The following UTRN variants were observed in gnomAD, a reference collection of about 807,000 sequenced individuals.
The protein encoded by UTRN is dystrophin-related protein 1.
Under a neutral mutation model 463.9 loss-of-function variants are expected in UTRN, and 283 were observed. That is an observed-to-expected ratio of 0.61 (90% CI 0.55 to 0.67). The LOEUF is 0.67. UTRN is among the 30% of genes least tolerant of loss of function. The pLI is 0.00. For synonymous variants in UTRN, 1,442 were observed against 1,431.5 expected (o/e 1.01, Z -0.17); for missense variants, 3,922 against 4,084.3 (o/e 0.96, Z 1.08).
intron 24 of UTRN, among the ~76,000 whole-genome samples, chr6:144,474,120 G>T (rs1364386473): frequency 6.7e-6 from 1 of 150,348 alleles, no homozygotes; most frequent in Non-Finnish European, 1.5e-5. Context: ...TGTGCCACAT[G>T]GTGAGGATTT....
chr6:144,598,357 T>TAA (rs935771126), intron 51 of UTRN, among the ~76,000 whole-genome samples: 73 of 152,350 alleles, frequency 4.8e-4, no homozygotes, highest in African/African-American at 1.8e-3. Flanking sequence ...AGAGTTCATC[T>TAA]AAAGACCTGG....
chr6:144,807,348 A>G (rs900037466), intron 65 of UTRN, among the ~76,000 whole-genome samples: 1 of 152,162 alleles, frequency 6.6e-6, no homozygotes, highest in Non-Finnish European at 1.5e-5. Flanking sequence ...ATGGTATATG[A>G]ATGAACTATC....
chr6:144,320,487 A>G (rs1051173668), intron 2 of UTRN, among the ~76,000 whole-genome samples: 1 of 152,194 alleles, frequency 6.6e-6, no homozygotes, highest in Admixed American at 6.5e-5. Flanking sequence ...TGTGAATATT[A>G]TAAATAGTAA....
intron 14 of UTRN, 65 bp downstream of exon 14, chr6:144,444,447 CTTTAG>C: frequency 1.6e-6 from 2 of 1,264,768 alleles, no homozygotes; most frequent in Non-Finnish European, 2.2e-6. Context: ...TTTATTGTGA[CTTTAG>C]AATAAAGTTG....
chr6:144,635,514 C>CTTTTTTTTTTTTTTTTTTTT (rs1402815648), intron 51 of UTRN, among the ~76,000 whole-genome samples: 6 of 80,010 alleles, frequency 7.5e-5, no homozygotes, highest in Admixed American at 1.9e-4. Context: ...CTTTTTTTTT[C>CTTTTTTTTTTTTTTTTTTTT]TTTTTTTTTT....
chr6:144,566,673 C>T (rs1416617436), intron 50 of UTRN, among the ~76,000 whole-genome samples: 1 of 152,058 alleles, frequency 6.6e-6, no homozygotes, highest in Non-Finnish European at 1.5e-5. Context: ...TGCCCCTGAA[C>T]CTGAAGCTCA....
chr6:144,325,979 A>G (rs894638620), intron 2 of UTRN, among the ~76,000 whole-genome samples: 2 of 152,206 alleles, frequency 1.3e-5, no homozygotes, highest in Non-Finnish European at 2.9e-5. Flanking sequence ...TATAAAAGTG[A>G]TAAGTAAAAA....
chr6:144,328,085 C>T (rs1483636518), intron 2 of UTRN, among the ~76,000 whole-genome samples: 1 of 152,086 alleles, frequency 6.6e-6, no homozygotes, highest in Non-Finnish European at 1.5e-5. Context: ...GCAACCCCAC[C>T]TGTCTACTAT....
intron 21 of UTRN, 104 bp from the exon 22 acceptor site, chr6:144,461,093 G>T (rs866243119): frequency 7.7e-6 from 7 of 906,920 alleles, no homozygotes; most frequent in Middle Eastern, 3.5e-4. Context: ...TTTAATCATG[G>T]GGTCTCCTTT....
chr6:144,568,536 A>C (rs940967050), intron 50 of UTRN, among the ~76,000 whole-genome samples: 1 of 152,162 alleles, frequency 6.6e-6, no homozygotes, highest in Non-Finnish European at 1.5e-5. Context: ...CTACATTGAG[A>C]ATCATAGACG....
chr6:144,490,817 A>AT, intron 31 of UTRN, 112 bp from the exon 32 acceptor site: 2 of 1,246,478 alleles, frequency 1.6e-6, no homozygotes, highest in South Asian at 1.8e-5. Context: ...ATATTTCTGA[A>AT]TTTTTTTCTT....
chr6:144,470,854 G>A (rs958895983), intron 23 of UTRN, among the ~76,000 whole-genome samples: 13 of 151,780 alleles, frequency 8.6e-5, no homozygotes, highest in South Asian at 2.1e-4. Flanking sequence ...GCGAAACCCC[G>A]TCTCCACCAA....
intron 7 of UTRN, 60 bp downstream of exon 7, chr6:144,426,519 T>C: frequency 1.5e-5 from 22 of 1,505,818 alleles, no homozygotes; most frequent in Non-Finnish European, 2.0e-5. Flanking sequence ...CTCTGTCCCT[T>C]TGCTGCCACC....
chr6:144,383,327 T>C (rs1214577393), intron 2 of UTRN, among the ~76,000 whole-genome samples: 1 of 152,202 alleles, frequency 6.6e-6, no homozygotes, highest in Non-Finnish European at 1.5e-5. Context: ...CTCAGACTTA[T>C]CTCAGTGGCA....
chr6:144,428,969 C>T (rs1562384228), intron 8 of UTRN, 76 bp downstream of exon 8: 5 of 979,224 alleles, frequency 5.1e-6, no homozygotes, highest in Non-Finnish European at 7.4e-6. Flanking sequence ...GTTTCTTTGT[C>T]CTTTTAAAAA....
intron 33 of UTRN, among the ~76,000 whole-genome samples, chr6:144,496,222 G>A (rs369096889): frequency 6.6e-6 from 1 of 152,154 alleles, no homozygotes; most frequent in Admixed American, 6.5e-5. Context: ...CTTCAGTTAG[G>A]AAATATTAAC....
intron 2 of UTRN, among the ~76,000 whole-genome samples, chr6:144,390,130 A>C (rs997211878): frequency 6.6e-6 from 1 of 152,208 alleles, no homozygotes; most frequent in Non-Finnish European, 1.5e-5. Context: ...GTGAGGCAAA[A>C]GCACTAATAA....
At chr6:144,486,171 A>G (rs1379774298) in intron 28 of UTRN, among the ~76,000 whole-genome samples, 2 of 152,210 alleles carry the variant, frequency 1.3e-5, no homozygotes, top group Admixed American at 6.5e-5. Flanking sequence ...TAAAAATGTC[A>G]TGGTACCATG....
intron 51 of UTRN, among the ~76,000 whole-genome samples, chr6:144,646,042 A>G (rs904095392): frequency 6.6e-5 from 10 of 152,104 alleles, no homozygotes; most frequent in African/African-American, 2.2e-4. Flanking sequence ...AACAGATTCT[A>G]TTTTACCTGA....
Sources: allele counts gnomAD v4.1 joint callset (sites outside exome capture counted in the v4.1 genomes callset), GRCh38; gene constraint gnomAD v4.1.1; transcripts MANE v1.5; gene names NCBI Gene and HGNC (gene_info 2026-07-23, HGNC 2026-07-21).